The following CDKL4 variants were observed in gnomAD, a reference collection of about 807,000 sequenced individuals.
CDKL4 encodes the protein cyclin-dependent kinase-like 4.
A neutral mutation model predicts 42.0 loss-of-function variants in CDKL4; 44 were observed. The observed-to-expected ratio is 1.05, with a 90% confidence interval of 0.82 to 1.35. The LOEUF (loss-of-function observed/expected upper bound fraction) is 1.35, where lower values mean the gene tolerates loss of function less well. Among genes scored for constraint, CDKL4 ranks in the 40% most tolerant of loss-of-function variants. The pLI is 0.00. For synonymous variants in CDKL4, 120 were observed against 121.6 expected, an observed-to-expected ratio of 0.99 and a Z score of 0.09; for missense variants, 393 against 369.9, an observed-to-expected ratio of 1.06 and a Z score of -0.51.
At chr2:39,222,367 A>G (rs1678425995) in intron 3 of CDKL4, among the ~76,000 whole-genome samples, 2 of 152,144 alleles carry the variant, frequency 1.3e-5, no homozygotes, top group Admixed American at 1.3e-4. Context: ...AGGCAGGTGG[A>G]TCACCTGAGG....
At chr2:39,221,357 G>T (rs961572420) in intron 3 of CDKL4, among the ~76,000 whole-genome samples, 1 of 151,968 alleles carries the variant, frequency 6.6e-6, no homozygotes, top group African/African-American at 2.4e-5. Context: ...TTTATCCTAC[G>T]TGTTTCCTCT....
intron 5 of CDKL4, among the ~76,000 whole-genome samples, chr2:39,200,149 A>G (rs1158450683): frequency 1.3e-5 from 2 of 152,118 alleles, no homozygotes; most frequent in Non-Finnish European, 2.9e-5. Flanking sequence ...ATTTTAGGAT[A>G]ACAAAATTAA....
At chr2:39,179,907 C>A (rs964838244) in intron 8 of CDKL4, among the ~76,000 whole-genome samples, 1 of 152,076 alleles carries the variant, frequency 6.6e-6, no homozygotes, top group African/African-American at 2.4e-5. Flanking sequence ...TAACTACAGG[C>A]AAAACAGAAA....
chr2:39,225,540 T>C (rs1333771383), intron 3 of CDKL4, among the ~76,000 whole-genome samples: 2 of 152,218 alleles, frequency 1.3e-5, no homozygotes, highest in Non-Finnish European at 2.9e-5. Flanking sequence ...GTGAATTATA[T>C]GAATAGGTTT....
intron 3 of CDKL4, among the ~76,000 whole-genome samples, chr2:39,223,535 G>C (rs1313125187): frequency 6.7e-6 from 1 of 149,828 alleles, no homozygotes; most frequent in East Asian, 2.0e-4. Flanking sequence ...TTGATTAATA[G>C]GGAAGGATAA....
chr2:39,217,272 A>C (rs1677988661), intron 3 of CDKL4, among the ~76,000 whole-genome samples: 1 of 152,226 alleles, frequency 6.6e-6, no homozygotes, highest in African/African-American at 2.4e-5. Flanking sequence ...CTTGCCACTG[A>C]AAGTAATACT....
chr2:39,187,931 G>C (rs949693810), intron 6 of CDKL4, among the ~76,000 whole-genome samples: 1 of 151,906 alleles, frequency 6.6e-6, no homozygotes, highest in Non-Finnish European at 1.5e-5. Context: ...AGCCAAGCGT[G>C]GTGGTCCATG....
intron 5 of CDKL4, among the ~76,000 whole-genome samples, chr2:39,198,271 A>AAC (rs1013592500): frequency 6.6e-6 from 1 of 151,526 alleles, no homozygotes; most frequent in Non-Finnish European, 1.5e-5. Context: ...AAAAAAAAAA[A>AAC]AACTAGTCCA....
At chr2:39,246,384 T>C (rs1679914173), upstream of CDKL4, among the ~76,000 whole-genome samples, 1 of 152,228 alleles carries the variant, frequency 6.6e-6, no homozygotes, top group South Asian at 2.1e-4. Flanking sequence ...AAATTTCTCA[T>C]TAAGTATACA....
intron 6 of CDKL4, 96 bp downstream of exon 6, chr2:39,190,209 C>T: frequency 1.1e-6 from 1 of 884,262 alleles, no homozygotes; most frequent in Non-Finnish European, 1.6e-6. Context: ...CAATAAAACT[C>T]TTGTTTTTTA....
chr2:39,217,949 T>C (rs1573001650), intron 3 of CDKL4, among the ~76,000 whole-genome samples: 1 of 152,028 alleles, frequency 6.6e-6, no homozygotes, highest in Non-Finnish European at 1.5e-5. Context: ...GTCAGGCTGG[T>C]CTTGAACTCC....
intron 1 of CDKL4, among the ~76,000 whole-genome samples, chr2:39,242,091 G>A (rs1388493565): frequency 6.6e-6 from 1 of 151,248 alleles, no homozygotes; most frequent in African/African-American, 2.4e-5. Flanking sequence ...TGTCACTCAG[G>A]CTGGAGTGCA....
chr2:39,169,369 G>C, the CDKL4 span, among the ~76,000 whole-genome samples: 1 of 152,082 alleles, frequency 6.6e-6, no homozygotes, highest in Admixed American at 6.6e-5. Context: ...TGACATGATG[G>C]AGCTAGTAGG....
the CDKL4 span, among the ~76,000 whole-genome samples, chr2:39,168,262 G>A: frequency 6.6e-5 from 10 of 152,128 alleles, no homozygotes; most frequent in African/African-American, 2.4e-4. Flanking sequence ...ACACAAATAT[G>A]TGCTAAAATA....
intron 5 of CDKL4, among the ~76,000 whole-genome samples, chr2:39,203,855 C>T (rs1676997618): frequency 1.3e-5 from 2 of 152,194 alleles, no homozygotes; most frequent in African/African-American, 2.4e-5. Flanking sequence ...AAGCCTTGAT[C>T]GGGTTTTGTT....
chr2:39,237,167 T>C (rs1325296425), intron 1 of CDKL4, among the ~76,000 whole-genome samples: 2 of 152,168 alleles, frequency 1.3e-5, no homozygotes, highest in African/African-American at 4.8e-5. Context: ...ACAAAATAAT[T>C]AGCAAACCAA....
chr2:39,236,905 C>G (rs1192404506), intron 1 of CDKL4, among the ~76,000 whole-genome samples: 3 of 152,102 alleles, frequency 2.0e-5, no homozygotes, highest in Non-Finnish European at 4.4e-5. Flanking sequence ...AAAAATCTGC[C>G]CACAAGGAAA....
chr2:39,237,809 C>T (rs954455089), intron 1 of CDKL4, among the ~76,000 whole-genome samples: 3 of 151,974 alleles, frequency 2.0e-5, no homozygotes, highest in Non-Finnish European at 4.4e-5. Flanking sequence ...TACAGAAAAT[C>T]GTAATGAATC....
upstream of CDKL4, among the ~76,000 whole-genome samples, chr2:39,247,018 G>C (rs1482878933): frequency 6.6e-6 from 1 of 152,172 alleles, no homozygotes; most frequent in Admixed American, 6.6e-5. Context: ...GTTGGGATTA[G>C]AGATTTGAGC....
Sources: allele counts gnomAD v4.1 joint callset (sites outside exome capture counted in the v4.1 genomes callset), GRCh38; gene constraint gnomAD v4.1.1; transcripts MANE v1.5; gene names NCBI Gene and HGNC (gene_info 2026-07-23, HGNC 2026-07-21).